The following DPP6 variants were observed in gnomAD, a reference collection of about 807,000 sequenced individuals.
DPP6 encodes the protein A-type potassium channel modulatory protein DPP6.
Under a neutral mutation model 122.6 loss-of-function variants are expected in DPP6, and 69 were observed. The observed-to-expected ratio is 0.56, with a 90% CI of 0.46 to 0.69. The LOEUF (loss-of-function observed/expected upper bound fraction) is 0.69. Among genes scored for constraint, DPP6 ranks in the 30% least tolerant of loss-of-function variants. The probability of loss-of-function intolerance (pLI) is 0.00; values close to 1 mark genes in which losing one functional copy is unlikely to be tolerated. For missense variants in DPP6, 928 were observed against 1,116.9 expected (o/e 0.83, Z 2.41); for synonymous variants, 418 against 433.1 (o/e 0.97, Z 0.43).
At chr7:154,508,243 C>T (rs1156795823) in intron 3 of DPP6, among the ~76,000 whole-genome samples, 1 of 152,086 alleles carries the variant, frequency 6.6e-6, no homozygotes, top group African/African-American at 2.4e-5. Flanking sequence ...TTATCTTATA[C>T]CTGGATTCTC....
intron 21 of DPP6, chr7:154,883,912 TCA>T (rs1169570630): frequency 1.1e-4 from 13 of 115,306 alleles, no homozygotes; most frequent in African/African-American, 2.6e-4. Flanking sequence ...ATACACATGC[TCA>T]CACACGCTCA....
chr7:153,791,430 T>C, the DPP6 span, among the ~76,000 whole-genome samples: 1 of 134,356 alleles, frequency 7.4e-6, no homozygotes, highest in South Asian at 2.6e-4. Context: ...CTTTCTTTTT[T>C]TTTTTTTTCA....
chr7:154,023,318 G>GCACGCACACACACACACA lies in DPP6; in HGVS notation c.51+135587_51+135588insGCACACACACACACACAC, dbSNP rs373378162. On this transcript the variant is annotated intron_variant, in intron 1 of 25. Transcript: ENST00000404039. ...CAGGCTCTGGAAATGTTTCTTGTCT[G>GCACGCACACACACACACA]CACACACACACACACACACACACAC... Among the ~76,000 whole-genome samples the GCACGCACACACACACACA allele has an allele frequency of 2.6e-3, 336 of 129,602 alleles. 13 individuals are homozygous for GCACGCACACACACACACA. Among genetic ancestry groups the GCACGCACACACACACACA allele is most frequent in the African/African-American group, 9.9e-3 (308 of 31,162 alleles). 85.0% of individuals were successfully genotyped at this position (129,602 alleles called of 152,430 possible).
At chr7:154,566,951 G>A (rs1278015291) in intron 5 of DPP6, 35 bp downstream of exon 5, 3 of 1,457,204 alleles carry the variant, frequency 2.1e-6, no homozygotes, top group African/African-American at 2.8e-5. Context: ...CAAAATAATT[G>A]TTTCTTTATT....
At chr7:153,898,111 G>T (rs545611881) in intron 1 of DPP6, among the ~76,000 whole-genome samples, 1 of 152,252 alleles carries the variant, frequency 6.6e-6, no homozygotes, top group Non-Finnish European at 1.5e-5. Flanking sequence ...ATGTTCAATA[G>T]CACAGTAGGG....
chr7:153,944,750 C>T (rs531140873), intron 1 of DPP6, among the ~76,000 whole-genome samples: 1 of 146,438 alleles, frequency 6.8e-6, no homozygotes, highest in Admixed American at 6.9e-5. Flanking sequence ...CCCACCTCAA[C>T]CTCTTGAGTA....
At chr7:154,210,584 C>T (rs149604021) in intron 1 of DPP6, among the ~76,000 whole-genome samples, 2 of 152,194 alleles carry the variant, frequency 1.3e-5, no homozygotes, top group East Asian at 3.9e-4. Flanking sequence ...TATTATTTAA[C>T]CTCAGTGTGT....
At chr7:153,773,708 C>T in the DPP6 span, among the ~76,000 whole-genome samples, 1 of 151,172 alleles carries the variant, frequency 6.6e-6, no homozygotes, top group South Asian at 2.1e-4. Context: ...CAAAGCCATG[C>T]TTAGAAGAAA....
At chr7:154,117,346 A>G (rs1807064207) in intron 1 of DPP6, among the ~76,000 whole-genome samples, 1 of 152,208 alleles carries the variant, frequency 6.6e-6, no homozygotes, top group African/African-American at 2.4e-5. Context: ...AGATTCTTTT[A>G]AAGACCAAGT....
rs1395970237 is a variant in DPP6, at chr7:153,964,978, CCCTT to C, written c.51+77261_51+77264del. ...TCTCTTTCTTTCTTTCATTTCTTTTCCCTTCCTTCCTTCCTTCCTTTCTTCCTTC... is the reference window on the plus strand; with the variant it reads ...TCTCTTTCTTTCTTTCATTTCTTTTCCCTTCCTTCCTTCCTTTCTTCCTTC... On this transcript the variant is annotated intron_variant, in intron 1 of 25. Transcript: ENST00000404039. Among the ~76,000 whole-genome samples, 77 of 71,218 alleles carry C rather than the reference CCCTT, an allele frequency of 1.1e-3. 1 individual carries two copies. In the Middle Eastern group the frequency reaches 0.027, roughly 25 times the overall value. 46.7% of individuals were successfully genotyped at this position (71,218 alleles called of 152,430 possible).
At chr7:154,281,462 G>C (rs1804508416) in intron 1 of DPP6, among the ~76,000 whole-genome samples, 1 of 152,118 alleles carries the variant, frequency 6.6e-6, no homozygotes, top group South Asian at 2.1e-4. Context: ...CCACGCCTCT[G>C]TTTCCTATCT....
intron 4 of DPP6, among the ~76,000 whole-genome samples, chr7:154,541,543 TTTTG>T (rs1324968943): frequency 1.3e-5 from 2 of 152,226 alleles, no homozygotes; most frequent in South Asian, 2.1e-4. Context: ...AGAATTAACA[TTTTG>T]TTTGTTTACA....
At chr7:153,902,055 T>C (rs1799658753) in intron 1 of DPP6, among the ~76,000 whole-genome samples, 1 of 152,214 alleles carries the variant, frequency 6.6e-6, no homozygotes, top group African/African-American at 2.4e-5. Flanking sequence ...CTAGAAATCC[T>C]CTCCACAAAG....
At chr7:154,776,273 C>T (rs7455544) in intron 10 of DPP6, among the ~76,000 whole-genome samples, 1 of 150,454 alleles carries the variant, frequency 6.6e-6, no homozygotes. Context: ...GATTGATAGA[C>T]AGATAGATAG....
intron 1 of DPP6, among the ~76,000 whole-genome samples, chr7:154,215,467 G>A (rs62484081): frequency 0.058 from 8,757 of 152,198 alleles, 489 homozygotes; most frequent in African/African-American, 0.13. Context: ...TGTGGTGTGC[G>A]GATGGTTTTG....
intron 1 of DPP6, among the ~76,000 whole-genome samples, chr7:154,227,630 T>A (rs1330330429): frequency 6.6e-6 from 1 of 151,948 alleles, no homozygotes; most frequent in Non-Finnish European, 1.5e-5. Context: ...ATCTAAGAGG[T>A]CTTCCTCCTC....
chr7:154,302,964 C>G (rs1383296442), intron 1 of DPP6, among the ~76,000 whole-genome samples: 2 of 149,570 alleles, frequency 1.3e-5, no homozygotes, highest in Non-Finnish European at 3.0e-5. Context: ...TGACCCATCC[C>G]TGGGGTTTTA....
At chr7:154,061,636 T>C (rs10277238) in intron 1 of DPP6, among the ~76,000 whole-genome samples, 76,317 of 124,854 alleles carry the variant, frequency 0.61, 25,549 homozygotes, top group African/African-American at 0.76. Flanking sequence ...AGGCACCCGC[T>C]GCGAGGCGGG....
At chr7:154,795,080 A>G (rs761421254) in intron 11 of DPP6, among the ~76,000 whole-genome samples, 13 of 151,932 alleles carry the variant, frequency 8.6e-5, no homozygotes, top group Non-Finnish European at 1.5e-4. Context: ...GGCTATTCTG[A>G]TGAGCTTGCT....
Sources: gnomAD v4.1 joint callset for allele counts (sites outside exome capture counted in the v4.1 genomes callset) on GRCh38, gnomAD v4.1.1 for gene constraint, MANE v1.5 for transcripts, NCBI Gene and HGNC (gene_info 2026-07-23, HGNC 2026-07-21) for gene names.